The following HDAC8 variants were observed in gnomAD, a reference collection of about 807,000 sequenced individuals.
HDAC8 encodes histone deacetylase 8, also known as histone deacetylase-like 1.
A neutral mutation model predicts 32.2 loss-of-function variants in HDAC8; 1 was observed. That is an observed-to-expected ratio of 0.03 (90% CI 0.01 to 0.15). The LOEUF is 0.15. HDAC8 is among the 10% of genes least tolerant of loss of function. HDAC8 has a pLI of 1.00. For missense variants in HDAC8, 117 were observed against 300.0 expected, an observed-to-expected ratio of 0.39 and a Z score of 4.51; for synonymous variants, 108 against 113.9, an observed-to-expected ratio of 0.95 and a Z score of 0.33.
At chrX:72,552,792 T>A (rs192087925) in intron 4 of HDAC8, among the ~76,000 whole-genome samples, 8,414 of 97,214 alleles carry the variant, frequency 0.087, 386 homozygotes, top group Non-Finnish European at 0.12. Flanking sequence ...AAAAAAAAAA[T>A]ATATATATGT....
At chrX:72,484,431 T>C (rs1358649859) in intron 7 of HDAC8, among the ~76,000 whole-genome samples, 1 of 112,185 alleles carries the variant, frequency 8.9e-6, no homozygotes, top group Non-Finnish European at 1.9e-5. Flanking sequence ...TGTATCTTCC[T>C]TTTGGTGAAA....
intron 9 of HDAC8, among the ~76,000 whole-genome samples, chrX:72,413,188 A>G (rs1236477225): frequency 9.1e-6 from 1 of 109,327 alleles, no homozygotes; most frequent in Non-Finnish European, 1.9e-5. Flanking sequence ...ACATATGTAT[A>G]CATGTGCCAT....
chrX:72,374,643 G>C (rs1391404104), intron 9 of HDAC8, among the ~76,000 whole-genome samples: 4 of 109,980 alleles, frequency 3.6e-5, no homozygotes, highest in Non-Finnish European at 7.6e-5. Flanking sequence ...TTGCACTACA[G>C]CCTGGGTGAT....
At chrX:72,488,737 C>A in intron 7 of HDAC8, among the ~76,000 whole-genome samples, 196 bp downstream of exon 7, 1 of 111,637 alleles carries the variant, frequency 9.0e-6, no homozygotes. Flanking sequence ...TGGAGCATGG[C>A]TCTGGTCCAA....
At chrX:72,413,962 A>G (rs2147906981) in intron 9 of HDAC8, among the ~76,000 whole-genome samples, 1 of 112,069 alleles carries the variant, frequency 8.9e-6, no homozygotes, top group Admixed American at 9.4e-5. Context: ...TCTCTGTGAC[A>G]TTGGAAGCAT....
intron 10 of HDAC8, among the ~76,000 whole-genome samples, chrX:72,345,652 G>T (rs1287569069): frequency 9.0e-6 from 1 of 111,168 alleles, no homozygotes; most frequent in African/African-American, 3.3e-5. Flanking sequence ...GTAACTTTGG[G>T]GAGCAGTCTC....
At chrX:72,345,464 A>G (rs2044001285) in intron 10 of HDAC8, among the ~76,000 whole-genome samples, 1 of 110,953 alleles carries the variant, frequency 9.0e-6, no homozygotes, top group African/African-American at 3.3e-5. Context: ...CCTACCTCAT[A>G]AGGAAATTGT....
chrX:72,474,435 T>G, intron 7 of HDAC8: 18 of 966,157 alleles, frequency 1.9e-5, no homozygotes, highest in Non-Finnish European at 2.3e-5. Flanking sequence ...TTGGGAAAGT[T>G]TCCCTAACCA....
At chrX:72,363,302 C>A (rs782620062) in intron 9 of HDAC8, among the ~76,000 whole-genome samples, 7 of 111,942 alleles carry the variant, frequency 6.3e-5, no homozygotes, top group Non-Finnish European at 1.3e-4. Flanking sequence ...TTTTTTACAT[C>A]AAATTTTCCT....
chrX:72,467,177 TACACACACACACAC>T (rs10687994), intron 7 of HDAC8: 1 of 96,379 alleles, frequency 1.0e-5, no homozygotes, highest in African/African-American at 3.8e-5. Context: ...TGCATAGAGC[TACACACACACACAC>T]ACACACACAC....
chrX:72,423,088 A>G (rs1488317668), intron 9 of HDAC8, among the ~76,000 whole-genome samples: 1 of 111,989 alleles, frequency 8.9e-6, no homozygotes, highest in Non-Finnish European at 1.9e-5. Context: ...AAAAAATTAT[A>G]ACTTTTTTTT....
chrX:72,468,456 A>T (rs142679928), intron 7 of HDAC8, among the ~76,000 whole-genome samples: 1 of 111,918 alleles, frequency 8.9e-6, no homozygotes, highest in African/African-American at 3.2e-5. Context: ...ACGGAAAAAA[A>T]AATTGGAATA....
At chrX:72,565,817 T>G (rs2147579011) in intron 4 of HDAC8, among the ~76,000 whole-genome samples, 1 of 110,809 alleles carries the variant, frequency 9.0e-6, no homozygotes, top group South Asian at 3.9e-4. Flanking sequence ...GGGTCATTTT[T>G]TTTCTCCTAG....
intron 9 of HDAC8, among the ~76,000 whole-genome samples, chrX:72,374,458 G>C (rs1297306318): frequency 1.8e-5 from 2 of 111,335 alleles, no homozygotes; most frequent in African/African-American, 6.5e-5. Flanking sequence ...GATCACTTAA[G>C]GTCAGGAGTT....
chrX:72,371,330 T>C (rs1555956270), intron 9 of HDAC8, among the ~76,000 whole-genome samples: 1 of 111,814 alleles, frequency 8.9e-6, no homozygotes, highest in Non-Finnish European at 1.9e-5. Flanking sequence ...AAAAAAGTAA[T>C]ATACCCTAGA....
At chrX:72,488,414 A>G (rs1198183518) in intron 7 of HDAC8, among the ~76,000 whole-genome samples, 1 of 111,315 alleles carries the variant, frequency 9.0e-6, no homozygotes, top group African/African-American at 3.3e-5. Context: ...CTGTCTGTCT[A>G]CGATTGTCTG....
At chrX:72,376,479 C>T (rs1337784027) in intron 9 of HDAC8, among the ~76,000 whole-genome samples, 22 of 111,631 alleles carry the variant, frequency 2.0e-4, no homozygotes, top group Admixed American at 6.6e-4. Context: ...AGTGCGGTGG[C>T]GCAATCTTGG....
At chrX:72,402,541 T>C (rs2045935255) in intron 9 of HDAC8, among the ~76,000 whole-genome samples, 1 of 110,333 alleles carries the variant, frequency 9.1e-6, no homozygotes, top group African/African-American at 3.3e-5. Context: ...CTTGGTATGC[T>C]GCCTCTTCAT....
chrX:72,373,170 G>A (rs1403203797), intron 9 of HDAC8, among the ~76,000 whole-genome samples: 1 of 112,637 alleles, frequency 8.9e-6, no homozygotes, highest in Non-Finnish European at 1.9e-5. Context: ...AAAAATCATT[G>A]CTTTAGACCA....
Sources: gnomAD v4.1 joint callset for allele counts (sites outside exome capture counted in the v4.1 genomes callset) on GRCh38, gnomAD v4.1.1 for gene constraint, MANE v1.5 for transcripts, NCBI Gene and HGNC (gene_info 2026-07-23, HGNC 2026-07-21) for gene names.